IMMP2L: variants seen among roughly 807,000 people sequenced by gnomAD.
The protein encoded by IMMP2L is mitochondrial inner membrane protease subunit 2.
In IMMP2L, 18 loss-of-function variants were observed where a neutral mutation model predicts 19.3. That is an observed-to-expected ratio of 0.93 (90% confidence interval 0.64 to 1.38). The LOEUF (loss-of-function observed/expected upper bound fraction) is 1.38, where lower values mean the gene tolerates loss of function less well. Among genes scored for constraint, IMMP2L ranks in the 40% most tolerant of loss-of-function variants. The pLI, the probability that IMMP2L is intolerant of heterozygous loss-of-function variation, is 0.00. For synonymous variants in IMMP2L, 76 were observed against 73.0 expected (o/e 1.04, Z -0.21); for missense variants, 233 against 218.2 (o/e 1.07, Z -0.43).
At chr7:110,855,234 T>G (rs6973561) in intron 5 of IMMP2L, among the ~76,000 whole-genome samples, 92,147 of 151,842 alleles carry the variant, frequency 0.61, 29,803 homozygotes, top group East Asian at 0.85. Context: ...AAAAAACAAT[T>G]AATGGATAAT....
At chr7:111,214,257 A>G (rs1811644423) in intron 3 of IMMP2L, among the ~76,000 whole-genome samples, 1 of 149,852 alleles carries the variant, frequency 6.7e-6, no homozygotes, top group Non-Finnish European at 1.5e-5. Context: ...GAGTCCTTCT[A>G]TGCTTTAATT....
intron 3 of IMMP2L, among the ~76,000 whole-genome samples, chr7:111,009,134 G>A (rs1396152955): frequency 1.3e-5 from 2 of 151,950 alleles, no homozygotes; most frequent in African/African-American, 2.4e-5. Flanking sequence ...CTGCCATAAC[G>A]ATATGCTGGT....
At chr7:111,288,047 C>T (rs547363925) in intron 3 of IMMP2L, among the ~76,000 whole-genome samples, 5 of 152,186 alleles carry the variant, frequency 3.3e-5, no homozygotes, top group South Asian at 2.1e-4. Flanking sequence ...AGTCACATGA[C>T]GATTCTCTTG....
chr7:110,932,925 G>C (rs768174537), intron 4 of IMMP2L, among the ~76,000 whole-genome samples: 14 of 152,288 alleles, frequency 9.2e-5, no homozygotes, highest in Non-Finnish European at 1.8e-4. Context: ...CCTGCAATAG[G>C]AGGGTGAACC....
chr7:110,900,124 G>A (rs1563065860), intron 4 of IMMP2L, among the ~76,000 whole-genome samples: 1 of 152,092 alleles, frequency 6.6e-6, no homozygotes, highest in South Asian at 2.1e-4. Context: ...GGTTCATATG[G>A]TATATGTCTG....
At chr7:110,841,679 T>C (rs960118188) in intron 5 of IMMP2L, among the ~76,000 whole-genome samples, 1 of 152,122 alleles carries the variant, frequency 6.6e-6, no homozygotes, top group Non-Finnish European at 1.5e-5. Flanking sequence ...TGAAATACTA[T>C]TGCTTGAAGA....
intron 3 of IMMP2L, among the ~76,000 whole-genome samples, chr7:111,424,246 G>A (rs1296987825): frequency 6.6e-6 from 1 of 151,730 alleles, no homozygotes; most frequent in African/African-American, 2.4e-5. Context: ...GTTTAACACT[G>A]TTACAACGCA....
intron 5 of IMMP2L, among the ~76,000 whole-genome samples, chr7:110,800,113 T>C (rs964801135): frequency 5.9e-5 from 9 of 152,120 alleles, no homozygotes; most frequent in African/African-American, 2.2e-4. Flanking sequence ...GAAAGAAGAA[T>C]TGATAGCTTT....
At chr7:111,309,466 T>A (rs12672270) in intron 3 of IMMP2L, among the ~76,000 whole-genome samples, 5,389 of 152,228 alleles carry the variant, frequency 0.035, 141 homozygotes, top group South Asian at 0.089. Flanking sequence ...AGGAACCATT[T>A]AGTATATCAG....
At chr7:110,836,917 T>A (rs577696812) in intron 5 of IMMP2L, among the ~76,000 whole-genome samples, 1 of 152,176 alleles carries the variant, frequency 6.6e-6, no homozygotes, top group Non-Finnish European at 1.5e-5. Flanking sequence ...CTGATGGCCA[T>A]GTGAATTACC....
rs1331674270 is a variant in IMMP2L, at chr7:111,199,607, T to C, written c.240-236042A>G. Among the ~76,000 whole-genome samples, 3 of 152,166 alleles carry C rather than the reference T, an allele frequency of 2.0e-5. No individual in the cohort carries two copies. The East Asian group carries it at 5.8e-4, about 29-fold the overall frequency. On this transcript the variant is annotated intron_variant, in intron 3 of 5. Coordinates refer to ENST00000405709, the MANE Select transcript of IMMP2L (RefSeq NM_032549.4). ...TTTGAGTAAGAAGTTTACAGAATGT[T>C]AGTCTGATATAACAAACCAATTAGA...
At chr7:110,722,906 G>T (rs957691843) in intron 5 of IMMP2L, among the ~76,000 whole-genome samples, 1 of 152,092 alleles carries the variant, frequency 6.6e-6, no homozygotes, top group Admixed American at 6.6e-5. Context: ...TCATTTTCAT[G>T]CTTCTCAGAC....
chr7:111,140,391 T>C (rs929467983), intron 3 of IMMP2L, among the ~76,000 whole-genome samples: 4 of 152,180 alleles, frequency 2.6e-5, no homozygotes, highest in African/African-American at 9.7e-5. Context: ...GACAAGATCA[T>C]GTCTTCCTGA....
intron 5 of IMMP2L, among the ~76,000 whole-genome samples, chr7:110,838,508 C>T (rs1458011669): frequency 1.3e-5 from 2 of 152,024 alleles, no homozygotes; most frequent in Admixed American, 6.6e-5. Context: ...GCTCTACTCT[C>T]ATGAATGGAC....
rs933206011 is a variant in IMMP2L at position 111,085,696 on chromosome 7, T to C, written c.240-122131A>G. 8.9e-4 allele frequency among the ~76,000 whole-genome samples: 136 copies of C among 152,212 alleles called. 1 individual carries two copies. Among genetic ancestry groups the C allele is most frequent in the Non-Finnish European group, 1.9e-4 (13 of 68,022 alleles). On this transcript the variant is annotated intron_variant, in intron 3 of 5. Coordinates refer to ENST00000405709, the MANE Select transcript of IMMP2L (RefSeq NM_032549.4). ...AAGACACATGCACATGTATGTTCAC[T>C]GCAGCACTATTCACAACAGCAAAGA...
intron 3 of IMMP2L, among the ~76,000 whole-genome samples, chr7:111,230,743 T>G (rs770502272): frequency 1.3e-5 from 2 of 151,750 alleles, no homozygotes; most frequent in African/African-American, 2.4e-5. Context: ...TTACTGAGAG[T>G]GTATGAGAGC....
chr7:111,168,180 T>C (rs1223735018), intron 3 of IMMP2L, among the ~76,000 whole-genome samples: 2 of 151,998 alleles, frequency 1.3e-5, no homozygotes, highest in African/African-American at 2.4e-5. Flanking sequence ...ATTTTGAGTG[T>C]TAAAATCACT....
intron 1 of IMMP2L, among the ~76,000 whole-genome samples, chr7:111,543,340 T>C (rs1303700324): frequency 6.6e-6 from 1 of 152,154 alleles, no homozygotes; most frequent in African/African-American, 2.4e-5. Context: ...TGTTAACCAC[T>C]GTACTAGTCA....
intron 4 of IMMP2L, among the ~76,000 whole-genome samples, chr7:110,956,858 A>G (rs2129554798): frequency 6.6e-6 from 1 of 152,132 alleles, no homozygotes; most frequent in Admixed American, 6.6e-5. Context: ...TTGATGCCTT[A>G]ACAATTTCAT....
Sources: allele counts gnomAD v4.1 joint callset (sites outside exome capture counted in the v4.1 genomes callset), GRCh38; gene constraint gnomAD v4.1.1; transcripts MANE v1.5; gene names NCBI Gene and HGNC (gene_info 2026-07-23, HGNC 2026-07-21).